RAPGEF2: variants seen among roughly 807,000 people sequenced by gnomAD.
RAPGEF2 encodes Rap guanine nucleotide exchange factor 2.
RAPGEF2 carries 54 observed loss-of-function variants against 186.7 expected under a neutral mutation model. That is an observed-to-expected ratio of 0.29 (90% CI 0.23 to 0.36). The LOEUF (loss-of-function observed/expected upper bound fraction) is 0.36, where lower values mean the gene tolerates loss of function less well. Among genes scored for constraint, RAPGEF2 ranks in the 10% least tolerant of loss-of-function variants. The pLI is 1.00. For missense variants in RAPGEF2, 1,532 were observed against 2,045.0 expected (o/e 0.75, Z 4.84); for synonymous variants, 712 against 705.9 (o/e 1.01, Z -0.14).
In RAPGEF2 at chr4:159,338,163, T is replaced by G. The variant is rs530859778; in HGVS notation, c.2136-148T>G. Reference sequence around the variant, plus strand: ...GATACACTTAAGCAGTAGTTGCTTTTGCAGTTTTCAACCAAATTTATTAAT... The same window carrying G: ...GATACACTTAAGCAGTAGTTGCTTTGGCAGTTTTCAACCAAATTTATTAAT... On this transcript the variant is annotated intron_variant, in intron 17 of 29. Transcript: ENST00000691494. 281 of 614,926 alleles carry G rather than the reference T, an allele frequency of 4.6e-4. 3 individuals are homozygous for G. The South Asian group carries it at 7.5e-3, about 16-fold the overall frequency. The allele number at this position is 614,926 out of a possible 1,614,324, so 38.1% of individuals were successfully genotyped here.
chr4:159,322,280 A>T, intron 9 of RAPGEF2, 67 bp from the exon 10 acceptor site: 1 of 1,488,806 alleles, frequency 6.7e-7, no homozygotes. Flanking sequence ...ACCCTAAAAC[A>T]TTCTTTTTGA....
intron 1 of RAPGEF2, among the ~76,000 whole-genome samples, chr4:159,125,207 ACAAT>A (rs943575987): frequency 6.6e-6 from 1 of 152,190 alleles, no homozygotes; most frequent in Non-Finnish European, 1.5e-5. Flanking sequence ...ATAAATCTGC[ACAAT>A]CAATGAATCA....
intron 4 of RAPGEF2, among the ~76,000 whole-genome samples, chr4:159,211,654 G>C (rs1371086211): frequency 6.6e-6 from 1 of 152,238 alleles, no homozygotes; most frequent in Non-Finnish European, 1.5e-5. Context: ...CCTGGGTGTG[G>C]TAGCTGACGT....
intron 13 of RAPGEF2, among the ~76,000 whole-genome samples, chr4:159,330,940 A>G (rs1191483715): frequency 6.6e-6 from 1 of 152,112 alleles, no homozygotes; most frequent in Non-Finnish European, 1.5e-5. Flanking sequence ...TTCTAAGGAG[A>G]CCATCTAGAG....
At chr4:159,319,643 C>T (rs972387740) in intron 9 of RAPGEF2, among the ~76,000 whole-genome samples, 3 of 152,056 alleles carry the variant, frequency 2.0e-5, no homozygotes, top group African/African-American at 7.2e-5. Flanking sequence ...TAGATGCCAT[C>T]TGGTTTAGCA....
intron 1 of RAPGEF2, among the ~76,000 whole-genome samples, chr4:159,162,408 A>G (rs1744808187): frequency 6.6e-6 from 1 of 151,778 alleles, no homozygotes; most frequent in African/African-American, 2.4e-5. Context: ...AAAAAAAAAA[A>G]AAGGTCTGGG....
intron 6 of RAPGEF2, among the ~76,000 whole-genome samples, chr4:159,241,879 T>C (rs950022734): frequency 2.1e-4 from 32 of 152,170 alleles, no homozygotes; most frequent in African/African-American, 7.5e-4. Flanking sequence ...TAGCTTTTTA[T>C]ACCTTTATGA....
chr4:159,149,671 T>C (rs1743322386), intron 1 of RAPGEF2, among the ~76,000 whole-genome samples: 4 of 152,222 alleles, frequency 2.6e-5, no homozygotes, highest in African/African-American at 9.7e-5. Flanking sequence ...CAGAGAATTA[T>C]TTTGAGTATG....
rs1421265498 is a variant in RAPGEF2, at chr4:159,353,587, G to A, written c.4192G>A (p.Ala1398Thr). The change falls in exon 28 of 30, where the codon GCG becomes ACG. Residue 1398 changes from alanine (A) to threonine (T), a missense_variant. This residue lies in a region of RAPGEF2 where 594 missense variants were observed against 608.5 expected (regional missense o/e 0.98). Transcript: ENST00000691494. This position sits in a 1 kb window ranked among gnomAD's most constrained non-coding sequence, Gnocchi z 4.3. ...ACTTTCCCAGGATCAGGGGGATCGC[G>A]CGTCACTTGATGCTGCTGACAGTGG... ...EELSQDQGDR[A>T]SLDAADSGRG... The A allele has an allele frequency of 3.8e-6, 6 of 1,591,240 alleles. No homozygotes were observed. The highest frequency in any genetic ancestry group is 2.2e-5 in the East Asian group (1 of 44,784).
At chr4:159,294,127 G>T (rs1761606120) in intron 7 of RAPGEF2, among the ~76,000 whole-genome samples, 1 of 152,172 alleles carries the variant, frequency 6.6e-6, no homozygotes, top group African/African-American at 2.4e-5. Context: ...AACTTTTAAA[G>T]AGTTAAAAAT....
intron 7 of RAPGEF2, among the ~76,000 whole-genome samples, chr4:159,250,102 T>G (rs1755127277): frequency 6.6e-6 from 1 of 152,206 alleles, no homozygotes; most frequent in Non-Finnish European, 1.5e-5. Flanking sequence ...CCTTACTAAA[T>G]AATTTTATTA....
chr4:159,173,964 A>T (rs900928747), intron 1 of RAPGEF2, among the ~76,000 whole-genome samples: 1 of 152,068 alleles, frequency 6.6e-6, no homozygotes, highest in Non-Finnish European at 1.5e-5. Context: ...GCTGCCTAAG[A>T]GATGGCAATT....
intron 4 of RAPGEF2, 124 bp downstream of exon 4, chr4:159,210,707 T>C (rs1015947614): frequency 5.5e-5 from 37 of 669,168 alleles, no homozygotes; most frequent in Non-Finnish European, 8.1e-5. Flanking sequence ...GACAGTACTT[T>C]GGGGTGTTGA....
intron 7 of RAPGEF2, among the ~76,000 whole-genome samples, chr4:159,258,941 CTT>C (rs1756495544): frequency 1.3e-5 from 2 of 152,122 alleles, no homozygotes; most frequent in Non-Finnish European, 2.9e-5. Context: ...ATGCAGCTGA[CTT>C]TTTAGAATAT....
intron 7 of RAPGEF2, among the ~76,000 whole-genome samples, chr4:159,301,192 G>C (rs1762626234): frequency 6.6e-6 from 1 of 152,104 alleles, no homozygotes; most frequent in African/African-American, 2.4e-5. Flanking sequence ...GGCCAACATG[G>C]TGAAAGCCTG....
intron 7 of RAPGEF2, among the ~76,000 whole-genome samples, chr4:159,271,982 C>T (rs924313471): frequency 6.6e-6 from 1 of 152,132 alleles, no homozygotes; most frequent in Non-Finnish European, 1.5e-5. Context: ...ATGTACATTT[C>T]CTTTTTGCTG....
chr4:159,116,670 C>T (rs899430790), intron 1 of RAPGEF2, among the ~76,000 whole-genome samples: 3 of 152,194 alleles, frequency 2.0e-5, no homozygotes, highest in Non-Finnish European at 4.4e-5. Context: ...AAATGTCAAT[C>T]GCTGATAGAC....
chr4:159,155,051 A>C (rs1288871150), intron 1 of RAPGEF2, among the ~76,000 whole-genome samples: 3 of 152,160 alleles, frequency 2.0e-5, no homozygotes, highest in African/African-American at 7.2e-5. Context: ...GATATTTCGA[A>C]TTCAGAACAT....
At chr4:159,202,563 ACT>A (rs1282321294) in intron 3 of RAPGEF2, among the ~76,000 whole-genome samples, 1 of 151,022 alleles carries the variant, frequency 6.6e-6, no homozygotes, top group African/African-American at 2.4e-5. Flanking sequence ...TTTTCTTTCA[ACT>A]CTCTTTTCTC....
Sources: gnomAD v4.1 joint callset for allele counts (sites outside exome capture counted in the v4.1 genomes callset) on GRCh38, gnomAD v4.1.1 for gene constraint, gnomAD v4.1.1 regional missense constraint, Gnocchi (gnomAD v3.1) non-coding constraint, MANE v1.5 for transcripts, NCBI Gene and HGNC (gene_info 2026-07-23, HGNC 2026-07-21) for gene names.